The following RRH variants were observed in gnomAD, a reference collection of about 807,000 sequenced individuals.
The protein encoded by RRH is retinal pigment epithelium-derived rhodopsin homolog.
RRH carries 36 observed loss-of-function variants against 33.1 expected under a neutral mutation model. The observed-to-expected ratio is 1.09, with a 90% CI of 0.83 to 1.44. RRH has a LOEUF of 1.44. Ranked by LOEUF, RRH falls within the 40% of genes most tolerant of loss-of-function variation. The pLI is 0.00. For missense variants in RRH, 393 were observed against 420.2 expected (o/e 0.94, Z 0.57); for synonymous variants, 124 against 140.2 (o/e 0.88, Z 0.82).
intron 5 of RRH, among the ~76,000 whole-genome samples, chr4:109,839,228 A>G (rs1400690858): frequency 1.3e-5 from 2 of 151,422 alleles, no homozygotes; most frequent in East Asian, 1.9e-4. Context: ...CAAAAAACTC[A>G]TTAATAAAAA....
At chr4:109,841,868 T>C (rs1040796303) in intron 5 of RRH, among the ~76,000 whole-genome samples, 5 of 152,168 alleles carry the variant, frequency 3.3e-5, no homozygotes, top group Admixed American at 3.3e-4. Context: ...AAATATAATT[T>C]TTCCATTTAA....
intron 1 of RRH, among the ~76,000 whole-genome samples, chr4:109,828,956 G>C (rs563981467): frequency 4.8e-4 from 73 of 152,198 alleles, no homozygotes; most frequent in South Asian, 1.0e-3. Flanking sequence ...CAGAAAAAAA[G>C]GGATGGGGGA....
Position 109,833,290 on chromosome 4 carries a change from T to C in RRH, c.258T>C (p.Asp86=), listed in dbSNP as rs1280342381. Residue 86 remains aspartate, a synonymous_variant, in exon 2 of 7, where the codon GAT becomes GAC. Transcript: ENST00000317735. ...SIGYPMSAAS[D]LYGSWKFGYA... ...GCTATCCCATGTCTGCTGCCTCAGA[T>C]CTGTATGGAAGTTGGAAATTTGGAT... The C allele has an allele frequency of 1.2e-6, 2 of 1,613,948 alleles. No individual in the cohort carries two copies. Among genetic ancestry groups the C allele is most frequent in the African/African-American group, 2.7e-5 (2 of 74,910 alleles).
At chr4:109,832,534 T>TGTGTGTGTGTGTGTG in intron 1 of RRH, among the ~76,000 whole-genome samples, 1 of 72,394 alleles carries the variant, frequency 1.4e-5, no homozygotes, top group South Asian at 4.4e-4. Context: ...GTGTGTGTGT[T>TGTGTGTGTGTGTGTG]GGAATGAAGA....
At chr4:109,842,145 C>T (rs1733996642) in intron 5 of RRH, among the ~76,000 whole-genome samples, 1 of 152,070 alleles carries the variant, frequency 6.6e-6, no homozygotes. Context: ...GGGTTTTTAT[C>T]TGTCTTTCAT....
At chr4:109,842,404 C>T in intron 5 of RRH, 65 bp from the exon 6 acceptor site, 2 of 1,417,436 alleles carry the variant, frequency 1.4e-6, no homozygotes, top group Non-Finnish European at 2.0e-6. Context: ...TTTTACCCAA[C>T]TTTAGATATA....
chr4:109,835,598 C>A, intron 3 of RRH, 133 bp downstream of exon 3: 1 of 742,724 alleles, frequency 1.3e-6, no homozygotes, highest in Non-Finnish European at 2.4e-6. Flanking sequence ...AATAATTGTT[C>A]AAATGTTTCA....
chr4:109,842,343 C>A, intron 5 of RRH, 126 bp from the exon 6 acceptor site: 13 of 832,252 alleles, frequency 1.6e-5, no homozygotes, highest in East Asian at 9.7e-5. Context: ...TCAACTATTT[C>A]CTTTATGTCA....
chr4:109,843,985 G>A, intron 6 of RRH, 98 bp from the exon 7 acceptor site: 2 of 775,604 alleles, frequency 2.6e-6, no homozygotes, highest in Non-Finnish European at 4.6e-6. Flanking sequence ...ATCCAGAGAT[G>A]TAAATTGGCA....
At chr4:109,835,547 A>C (rs1733864408) in intron 3 of RRH, 82 bp downstream of exon 3, 1 of 997,740 alleles carries the variant, frequency 1.0e-6, no homozygotes, top group South Asian at 1.3e-5. Flanking sequence ...TAAAATATAA[A>C]CCTAATGGTT....
intron 2 of RRH, among the ~76,000 whole-genome samples, chr4:109,835,142 T>TC (rs1255058699): frequency 6.6e-6 from 1 of 152,198 alleles, no homozygotes; most frequent in East Asian, 1.9e-4. Context: ...TCACTGTAAG[T>TC]CTTAAAATTT....
intron 1 of RRH, among the ~76,000 whole-genome samples, chr4:109,829,208 G>A (rs1037653397): frequency 7.2e-5 from 11 of 151,834 alleles, no homozygotes; most frequent in African/African-American, 1.9e-4. Flanking sequence ...ATAATTCAGC[G>A]TATTACTTCT....
chr4:109,836,092 AG>A lies in RRH; in HGVS notation c.486del (p.Trp163GlyfsTer15). 1 of 1,614,210 alleles carries A rather than the reference AG, an allele frequency of 6.2e-7. No individual in the cohort carries two copies. ...GLFWALMPII[G>X]WASYAPDPTG... is the part of the protein sequence containing the mutation. ...TGTTTTGGGCTTTGATGCCTATCAT[AG>A]GGTGGGCTAGTTATGCCCCAGATCC... On this transcript the variant is annotated frameshift_variant, in exon 4 of 7. Transcript: ENST00000317735. LOFTEE classifies it high-confidence loss of function.
chr4:109,837,301 A>G (rs1000019897), intron 4 of RRH, 136 bp from the exon 5 acceptor site: 10 of 844,276 alleles, frequency 1.2e-5, no homozygotes, highest in Non-Finnish European at 1.9e-5. Context: ...TAAATAAACT[A>G]AAAGTCAAAT....
intron 5 of RRH, among the ~76,000 whole-genome samples, chr4:109,838,830 G>T (rs1424880581): frequency 6.6e-6 from 1 of 152,094 alleles, no homozygotes; most frequent in Admixed American, 6.5e-5. Context: ...TATGTCTCTA[G>T]TTTTCTGAAA....
intron 5 of RRH, among the ~76,000 whole-genome samples, chr4:109,839,526 G>A (rs556471426): frequency 1.3e-4 from 20 of 152,092 alleles, no homozygotes; most frequent in Admixed American, 7.9e-4. Context: ...ATAGGTAAAC[G>A]TGTGCCATGG....
intron 2 of RRH, among the ~76,000 whole-genome samples, chr4:109,834,499 T>G (rs904921322): frequency 2.3e-5 from 3 of 130,620 alleles, no homozygotes; most frequent in African/African-American, 7.7e-5. Flanking sequence ...CTGGCTAATT[T>G]TTTTTTTTGT....
Position 109,835,466 on chromosome 4 carries a change from G to C in RRH, c.397+1G>C. The C allele has an allele frequency of 6.2e-7, 1 of 1,606,622 alleles. No homozygotes were observed. Among genetic ancestry groups the C allele is most frequent in the Non-Finnish European group, 8.5e-7 (1 of 1,173,232 alleles). On this transcript the variant is annotated splice_donor_variant, in intron 3 of 6. Transcript: ENST00000317735. LOFTEE classifies it high-confidence loss of function. ...CTGACCATCTGCCTTCCTGACGTAG[G>C]TACAACACTTTTCTCAGCTTTCTTA...
In RRH at chr4:109,837,595, A is replaced by C. The variant is rs2125893592; in HGVS notation, c.710A>C (p.Asp237Ala). 6.2e-7 allele frequency: 1 copy of C among 1,613,732 alleles called. No individual in the cohort carries two copies. The highest frequency in any genetic ancestry group is 2.2e-5 in the East Asian group (1 of 44,876). ...SLNRDWSDQI[D>A]VTKMSVIMIC... The stretch of plus-strand genomic sequence containing the variant: ...AACAGAGACTGGTCAGATCAGATAG[A>C]TGTAACAAAGGTAAGAGATCAAAAT... Residue 237 changes from aspartate to alanine, a missense_variant, in exon 5 of 7, where the codon GAT becomes GCT. By Grantham distance (126) the Asp-to-Ala change is moderately radical. Coordinates refer to ENST00000317735, the MANE Select transcript of RRH (RefSeq NM_006583.5).
Sources: allele counts gnomAD v4.1 joint callset (sites outside exome capture counted in the v4.1 genomes callset), GRCh38; gene constraint gnomAD v4.1.1; transcripts MANE v1.5; gene names NCBI Gene and HGNC (gene_info 2026-07-23, HGNC 2026-07-21).